Variants in CCSER1 observed in about 807,000 individuals in gnomAD.
The protein encoded by CCSER1 is serine-rich coiled-coil domain-containing protein 1.
CCSER1 carries 41 observed loss-of-function variants against 82.0 expected under a neutral mutation model. The ratio of observed to expected loss-of-function variants is 0.50; its 90% CI spans 0.39 to 0.65. The LOEUF is 0.65. CCSER1 is among the 30% of genes least tolerant of loss of function. CCSER1 has a pLI of 0.00. For synonymous variants in CCSER1, 414 were observed against 383.9 expected (o/e 1.08, Z -0.92); for missense variants, 1,119 against 1,064.2 (o/e 1.05, Z -0.72).
At position 90,611,059 on chromosome 4, in the gene CCSER1, C is replaced by CTTTTTTTTTTTTTTTTT. The variant is rs201354908; in HGVS notation, c.1725-16962_1725-16946dup. Among the ~76,000 whole-genome samples the CTTTTTTTTTTTTTTTTT allele has an allele frequency of 7.6e-3, 715 of 93,794 alleles. 59 individuals carry two copies. The highest frequency in any genetic ancestry group is 0.016 in the East Asian group (48 of 3,082). 61.5% of individuals were successfully genotyped at this position (93,794 alleles called of 152,430 possible). ...TGCCTGGCTAATTTTCTTTTCTTTT[C>CTTTTTTTTTTTTTTTTT]TTTTTTTTTTTTTTTTTTTTGTAGA... is the stretch of plus-strand genomic sequence containing the variant. On this transcript the variant is annotated intron_variant, in intron 5 of 10. Transcript: ENST00000509176.
At chr4:90,298,664 AATGTGTCCCAGAG>A (rs544012262) in intron 1 of CCSER1, among the ~76,000 whole-genome samples, 270 of 152,124 alleles carry the variant, frequency 1.8e-3, no homozygotes, top group African/African-American at 6.3e-3. Context: ...CACTGCTTTG[AATGTGTCCCAGAG>A]ATTCTGGTAT....
At chr4:90,412,164 G>A (rs4320107) in intron 4 of CCSER1, among the ~76,000 whole-genome samples, 4,969 of 151,958 alleles carry the variant, frequency 0.033, 93 homozygotes, top group African/African-American at 0.057. Flanking sequence ...ATCCTTTGTA[G>A]GGACATGGAT....
At chr4:91,080,606 C>CA (rs575939999) in intron 9 of CCSER1, among the ~76,000 whole-genome samples, 122 of 152,072 alleles carry the variant, frequency 8.0e-4, no homozygotes, top group Middle Eastern at 3.4e-3. Flanking sequence ...AAAAACCCTT[C>CA]AAAAAATCAA....
chr4:91,289,943 C>T (rs1422080048), intron 10 of CCSER1, among the ~76,000 whole-genome samples: 3 of 151,886 alleles, frequency 2.0e-5, no homozygotes, highest in African/African-American at 7.3e-5. Context: ...TGTAGAAAAT[C>T]AGACAAGAAA....
intron 9 of CCSER1, among the ~76,000 whole-genome samples, chr4:90,972,176 T>A (rs966822910): frequency 6.6e-6 from 1 of 151,582 alleles, no homozygotes; most frequent in Admixed American, 6.6e-5. Flanking sequence ...GACAACCAAA[T>A]TAGGAAGAAG....
chr4:91,202,205 TG>T (rs1429953835), intron 10 of CCSER1, among the ~76,000 whole-genome samples: 2 of 149,978 alleles, frequency 1.3e-5, no homozygotes, highest in Admixed American at 1.3e-4. Context: ...GCCAAAGTGT[TG>T]GGGAGAATCT....
chr4:91,104,688 T>C (rs889412248), intron 10 of CCSER1, among the ~76,000 whole-genome samples: 1 of 152,178 alleles, frequency 6.6e-6, no homozygotes, highest in African/African-American at 2.4e-5. Context: ...TTTTCACAGT[T>C]CTGGAGGCTA....
At chr4:90,970,603 C>T (rs57542919) in intron 9 of CCSER1, among the ~76,000 whole-genome samples, 3,956 of 151,890 alleles carry the variant, frequency 0.026, 177 homozygotes, top group African/African-American at 0.086. Context: ...CACATGGGCT[C>T]GACAGACATT....
chr4:91,140,005 T>C (rs1174634673), intron 10 of CCSER1, among the ~76,000 whole-genome samples: 1 of 152,158 alleles, frequency 6.6e-6, no homozygotes, highest in Non-Finnish European at 1.5e-5. Flanking sequence ...TTAATTTTCT[T>C]AGATGATTCT....
Position 90,480,317 on chromosome 4 carries a change from T to A in CCSER1, c.1724+11963T>A, listed in dbSNP as rs139230180. Among the ~76,000 whole-genome samples, 665 of 152,222 alleles carry A rather than the reference T, an allele frequency of 4.4e-3. 6 individuals are homozygous for A. Among genetic ancestry groups the A allele is most frequent in the African/African-American group, 0.016 (644 of 41,544 alleles). On this transcript the variant is annotated intron_variant, in intron 5 of 10. Coordinates refer to ENST00000509176, the MANE Select transcript of CCSER1 (RefSeq NM_001145065.2). ...AATAGGTTGCAAAAATTTTCTCCCA[T>A]TCTGTAGGTTGCCTGTTCATTCTGA...
chr4:91,024,669 T>C (rs897887432), intron 9 of CCSER1, among the ~76,000 whole-genome samples: 1 of 152,088 alleles, frequency 6.6e-6, no homozygotes, highest in Non-Finnish European at 1.5e-5. Context: ...CTGATTTATT[T>C]CAGTTCTCTA....
chr4:91,513,236 T>C lies in CCSER1; in HGVS notation c.2218-85336T>C, dbSNP rs142627479. ...ATCTATGGAGATGATAATTTTTAAT[T>C]TTAGTTTTTAATTCTGCTTATATGG... On this transcript the variant is annotated intron_variant, in intron 10 of 10. Coordinates refer to ENST00000509176, the MANE Select transcript of CCSER1 (RefSeq NM_001145065.2). 4.1e-3 allele frequency among the ~76,000 whole-genome samples: 631 copies of C among 152,276 alleles called. 7 individuals are homozygous for C. The highest frequency in any genetic ancestry group is 0.014 in the African/African-American group (585 of 41,574).
intron 10 of CCSER1, among the ~76,000 whole-genome samples, chr4:91,391,085 T>C (rs1290495815): frequency 6.6e-6 from 1 of 152,090 alleles, no homozygotes; most frequent in Non-Finnish European, 1.5e-5. Context: ...CTAATTTTCA[T>C]GTTTTTTTTA....
chr4:91,073,561 T>C (rs1721648458), intron 9 of CCSER1, among the ~76,000 whole-genome samples: 1 of 152,080 alleles, frequency 6.6e-6, no homozygotes, highest in Admixed American at 6.6e-5. Flanking sequence ...TGCAACAAAA[T>C]ATTTTTATCA....
chr4:91,336,560 A>C (rs1183801254), intron 10 of CCSER1, among the ~76,000 whole-genome samples: 1 of 152,108 alleles, frequency 6.6e-6, no homozygotes, highest in Non-Finnish European at 1.5e-5. Flanking sequence ...CCACTTTAGG[A>C]AATGTAGAAA....
chr4:90,640,155 A>G (rs905611835), intron 6 of CCSER1, among the ~76,000 whole-genome samples: 2 of 152,178 alleles, frequency 1.3e-5, no homozygotes, highest in Non-Finnish European at 2.9e-5. Flanking sequence ...AAAGCATAGT[A>G]ATAAGCTTTA....
At chr4:91,393,208 T>A (rs1340161841) in intron 10 of CCSER1, among the ~76,000 whole-genome samples, 1 of 152,082 alleles carries the variant, frequency 6.6e-6, no homozygotes, top group Non-Finnish European at 1.5e-5. Context: ...ATGCAGTAAA[T>A]AACACATAAT....
chr4:91,421,495 G>T (rs1170700856), intron 10 of CCSER1, among the ~76,000 whole-genome samples: 2 of 152,090 alleles, frequency 1.3e-5, no homozygotes, highest in Non-Finnish European at 2.9e-5. Context: ...TGGCTAATTT[G>T]TCCTTTTACT....
At chr4:91,285,295 C>G (rs1278930222) in intron 10 of CCSER1, among the ~76,000 whole-genome samples, 2 of 146,716 alleles carry the variant, frequency 1.4e-5, no homozygotes, top group African/African-American at 2.5e-5. Context: ...GAAAAAAGTC[C>G]TTGTGCTATA....
Sources: allele counts gnomAD v4.1 joint callset (sites outside exome capture counted in the v4.1 genomes callset), GRCh38; gene constraint gnomAD v4.1.1; transcripts MANE v1.5; gene names NCBI Gene and HGNC (gene_info 2026-07-23, HGNC 2026-07-21).